Variants in DUSP8 observed in about 807,000 individuals in gnomAD.
The protein encoded by DUSP8 is dual specificity protein phosphatase 8.
Under a neutral mutation model 38.7 loss-of-function variants are expected in DUSP8, and 15 were observed. The observed-to-expected ratio is 0.39, with a 90% confidence interval of 0.26 to 0.60. DUSP8 has a LOEUF of 0.60. Among genes scored for constraint, DUSP8 ranks in the 20% least tolerant of loss-of-function variants. DUSP8 has a pLI of 0.56. For missense variants in DUSP8, 768 were observed against 915.0 expected (o/e 0.84, Z 2.07); for synonymous variants, 458 against 433.9 (o/e 1.06, Z -0.69).
chr11:1,571,342 GA>G (rs1262191447), intron 1 of DUSP8: 3 of 152,264 alleles, frequency 2.0e-5, no homozygotes, highest in African/African-American at 4.8e-5. Context: ...GGCACCCCGG[GA>G]TGGGGAGGCA....
chr11:1,559,253 C>T (rs1590802275), intron 3 of DUSP8, 198 bp from the exon 4 acceptor site: 1 of 543,072 alleles, frequency 1.8e-6, no homozygotes. Context: ...GGTACTGCCA[C>T]ACATTTACAG....
At position 1,556,510 on chromosome 11, in the gene DUSP8, C is replaced by A; in HGVS notation, c.*8G>T. 8.1e-7 allele frequency: 1 copy of A among 1,237,322 alleles called. No individual in the cohort carries two copies. Among genetic ancestry groups the A allele is most frequent in the Non-Finnish European group, 1.0e-6 (1 of 990,036 alleles). 76.6% of individuals were successfully genotyped at this position (1,237,322 alleles called of 1,614,324 possible). On this transcript the variant is annotated 3_prime_UTR_variant, in exon 7 of 7. Coordinates refer to ENST00000397374, the MANE Select transcript of DUSP8 (RefSeq NM_004420.3). The surrounding 1 kb of genome is among the most constrained non-coding windows in gnomAD (Gnocchi z 5.2). ...CTGCGGGCGGCGGGGCCGAGGGCAG[C>A]GGAGGGGTCAGGACACCTCGATGAC...
Position 1,557,037 on chromosome 11 carries a change from G to T in DUSP8, c.1359C>A (p.Pro453=). 1.8e-6 allele frequency: 2 copies of T among 1,094,272 alleles called. No homozygotes were observed. The highest frequency in any genetic ancestry group is 2.2e-6 in the Non-Finnish European group (2 of 900,938). The allele number at this position is 1,094,272 out of a possible 1,614,324, so 67.8% of individuals were successfully genotyped here. A position where few individuals can be genotyped will look rare whatever the true frequency, so the allele number is the denominator to read the frequency against. The change falls in exon 7 of 7, where the codon CCC becomes CCA. Residue 453 remains proline (P), a synonymous_variant. Coordinates refer to ENST00000397374, the MANE Select transcript of DUSP8 (RefSeq NM_004420.3). The surrounding 1 kb of genome is among the most constrained non-coding windows in gnomAD (Gnocchi z 9.9). The part of the protein sequence containing the change: ...PDAAPEARPR[P]RRRPRPPAGS... ...CGGCGGGGGGCCGGGGCCGCCGGCGGGGCCGTGGGCGCGCCTCAGGCGCGG... is the reference window on the plus strand; with the variant it reads ...CGGCGGGGGGCCGGGGCCGCCGGCGTGGCCGTGGGCGCGCCTCAGGCGCGG...
At chr11:1,563,170 G>A (rs568650225) in intron 3 of DUSP8, among the ~76,000 whole-genome samples, 1 of 152,298 alleles carries the variant, frequency 6.6e-6, no homozygotes, top group African/African-American at 2.4e-5. Flanking sequence ...CCCCAGACCT[G>A]GATGGGGGAG....
At chr11:1,563,753 C>A in intron 3 of DUSP8, 98 bp downstream of exon 3, 7 of 1,292,282 alleles carry the variant, frequency 5.4e-6, no homozygotes, top group Non-Finnish European at 7.2e-6. Context: ...TGGAGATCCC[C>A]CCGTGCCCAG....
intron 1 of DUSP8, among the ~76,000 whole-genome samples, chr11:1,570,598 C>G (rs1419237352): frequency 1.3e-5 from 2 of 150,382 alleles, no homozygotes; most frequent in Non-Finnish European, 3.0e-5. Context: ...TCCCCGAGGA[C>G]AGAGGATACC....
At chr11:1,562,801 TG>T (rs945172541) in intron 3 of DUSP8, among the ~76,000 whole-genome samples, 2 of 152,114 alleles carry the variant, frequency 1.3e-5, no homozygotes, top group African/African-American at 4.8e-5. Flanking sequence ...CCTCTGACCA[TG>T]GCCACCCAGC....
chr11:1,561,510 G>A (rs935310489), intron 3 of DUSP8, among the ~76,000 whole-genome samples: 1 of 152,246 alleles, frequency 6.6e-6, no homozygotes, highest in Non-Finnish European at 1.5e-5. Flanking sequence ...CTGCTTAAAG[G>A]GCCAGGCCCC....
intron 1 of DUSP8, among the ~76,000 whole-genome samples, chr11:1,569,424 G>C (rs1848854367): frequency 6.6e-6 from 1 of 152,116 alleles, no homozygotes; most frequent in Non-Finnish European, 1.5e-5. Context: ...CACAGGGCTG[G>C]TGCTCCTTAC....
intron 1 of DUSP8, among the ~76,000 whole-genome samples, chr11:1,567,531 C>G (rs547498463): frequency 5.9e-5 from 9 of 152,372 alleles, no homozygotes; most frequent in Admixed American, 5.2e-4. Flanking sequence ...GCCCCAGCCT[C>G]GCACTCACTC....
rs1251460587 is a variant in DUSP8, at chr11:1,563,904, G to T, written c.317C>A (p.Ser106Tyr). 6.4e-7 allele frequency: 1 copy of T among 1,552,352 alleles called. No homozygotes were observed. The highest frequency in any genetic ancestry group is 1.2e-5 in the South Asian group (1 of 83,930). ...GCCGTCCAGCTTGCTCAGCAGGATG[G>T]AGAGGAAGCTGTCTGCGGCCAGCAC... is the stretch of plus-strand genomic sequence containing the variant. ...ASVLAADSFL[S>Y]ILLSKLDGCF... Residue 106 changes from serine to tyrosine, a missense_variant, in exon 3 of 7, where the codon TCC becomes TAC. Coordinates refer to ENST00000397374, the MANE Select transcript of DUSP8 (RefSeq NM_004420.3).
Position 1,556,756 on chromosome 11 carries a change from G to A in DUSP8, c.1640C>T (p.Ala547Val). The part of the protein sequence containing the change: ...VLFAPFGRAG[A>V]PGPGGGSDLR... ...GTCGCTGCCGCCGCCTGGTCCCGGG[G>A]CGCCCGCCCGGCCGAAGGGCGCAAA... The change falls in exon 7 of 7, where the codon GCC (alanine) becomes GTC (valine). Residue 547 changes from alanine (A) to valine (V), a missense_variant. Coordinates refer to ENST00000397374, the MANE Select transcript of DUSP8 (RefSeq NM_004420.3). The surrounding 1 kb of genome is among the most constrained non-coding windows in gnomAD (Gnocchi z 5.2). 9 of 1,202,956 alleles carry A rather than the reference G, an allele frequency of 7.5e-6. No individual in the cohort carries two copies. The highest frequency in any genetic ancestry group is 8.2e-6 in the Non-Finnish European group (8 of 969,716). The allele number at this position is 1,202,956 out of a possible 1,614,324, so 74.5% of individuals were successfully genotyped here. A position where few individuals can be genotyped will look rare whatever the true frequency, so the allele number is the denominator to read the frequency against.
rs767368858 is a variant in DUSP8, at chr11:1,557,420, C to T, written c.976G>A (p.Gly326Arg). The change falls in exon 7 of 7, where the codon GGG becomes AGG. Residue 326 changes from glycine (G) to arginine (R), a missense_variant. Gly to Arg is a moderately radical substitution (Grantham distance 125, BLOSUM62 -2). Coordinates refer to ENST00000397374, the MANE Select transcript of DUSP8 (RefSeq NM_004420.3). This position sits in a 1 kb window ranked among gnomAD's most constrained non-coding sequence, Gnocchi z 9.9. ...GGTGGCAGCCGTGGCAGCGGGGCCC[C>T]GGCGGCAGGACTGGGCGGAGGCTCC... is the stretch of plus-strand genomic sequence containing the variant. ...TPEPPPSPAAGAPLPRLPPPT... is the reference protein window; with the variant it reads ...TPEPPPSPAARAPLPRLPPPT... The T allele has an allele frequency of 8.3e-6, 13 of 1,563,868 alleles. No individual in the cohort carries two copies. The South Asian group carries it at 1.3e-4, about 15-fold the overall frequency.
rs1465183885 is a variant in DUSP8, at chr11:1,572,092, C to A, written c.-300G>T. Among the ~76,000 whole-genome samples, 2 of 145,562 alleles carry A rather than the reference C, an allele frequency of 1.4e-5. No homozygotes were observed. Among genetic ancestry groups the A allele is most frequent in the Admixed American group, 6.8e-5 (1 of 14,700 alleles). On this transcript the variant is annotated 5_prime_UTR_variant, in exon 1 of 7. Coordinates refer to ENST00000397374, the MANE Select transcript of DUSP8 (RefSeq NM_004420.3). The surrounding 1 kb of genome is among the most constrained non-coding windows in gnomAD (Gnocchi z 4.7). ...CGGGGAGCGCTCGCTCGGGCCGGGG[C>A]GCGCGCACTGCGGGCGGGCACGCGC...
chr11:1,556,877 C>A lies in DUSP8; in HGVS notation c.1519G>T (p.Ala507Ser). Residue 507 changes from alanine (A) to serine (S), a missense_variant, in exon 7 of 7, where the codon GCC becomes TCC. Physicochemically the swap from Ala to Ser is moderately conservative, Grantham distance 99 (BLOSUM62 1). Coordinates refer to ENST00000397374, the MANE Select transcript of DUSP8 (RefSeq NM_004420.3). This position sits in a 1 kb window ranked among gnomAD's most constrained non-coding sequence, Gnocchi z 5.2. ...GGGGAGTCGAGCGGCGGTGCCCAGG[C>A]CCCGGGGCCGGCCGGCTGGCCAGGG... Reference protein sequence around the residue: ...PGPGQPAGPGAWAPPLDSPGT... With the variant: ...PGPGQPAGPGSWAPPLDSPGT... 9.0e-7 allele frequency: 1 copy of A among 1,112,140 alleles called. No individual in the cohort carries two copies. The highest frequency in any genetic ancestry group is 1.1e-6 in the Non-Finnish European group (1 of 911,864). The allele number at this position is 1,112,140 out of a possible 1,614,324, so 68.9% of individuals were successfully genotyped here.
In DUSP8 at chr11:1,554,831, C is replaced by T. The variant is rs1452999516; in HGVS notation, c.*1687G>A. The T allele has an allele frequency of 2.4e-5, 15 of 633,194 alleles. No homozygotes were observed. Among genetic ancestry groups the T allele is most frequent in the Admixed American group, 6.3e-5 (1 of 15,850 alleles). The allele number at this position is 633,194 out of a possible 1,614,324, so 39.2% of individuals were successfully genotyped here. On this transcript the variant is annotated 3_prime_UTR_variant, in exon 7 of 7. Transcript: ENST00000397374. ...TAACCAATAATAATAAATACTTAAA[C>T]CTCTAATCCATAGATTGCAAATACA... is the stretch of plus-strand genomic sequence containing the variant.
At chr11:1,566,999 A>G (rs572055215) in intron 1 of DUSP8, among the ~76,000 whole-genome samples, 12 of 152,242 alleles carry the variant, frequency 7.9e-5, no homozygotes, top group Non-Finnish European at 1.3e-4. Context: ...CACAGCCCCT[A>G]GGAGGCGCAT....
At chr11:1,562,642 T>A (rs552624148) in intron 3 of DUSP8, among the ~76,000 whole-genome samples, 4 of 151,094 alleles carry the variant, frequency 2.6e-5, no homozygotes, top group Non-Finnish European at 5.9e-5. Context: ...GGCATGCATA[T>A]GCCCATACAT....
upstream of DUSP8, among the ~76,000 whole-genome samples, chr11:1,572,415 T>C (rs887016287): frequency 1.7e-4 from 8 of 46,770 alleles, no homozygotes; most frequent in African/African-American, 6.8e-4. The surrounding 1 kb of genome is among the most constrained non-coding windows in gnomAD (Gnocchi z 4.7). Context: ...GGGGTGAAGC[T>C]GAGGCGGCTG....
Sources: gnomAD v4.1 joint callset for allele counts (sites outside exome capture counted in the v4.1 genomes callset) on GRCh38, gnomAD v4.1.1 for gene constraint, Gnocchi (gnomAD v3.1) non-coding constraint, MANE v1.5 for transcripts, NCBI Gene and HGNC (gene_info 2026-07-23, HGNC 2026-07-21) for gene names.